CCDC178: variants seen among roughly 807,000 people sequenced by gnomAD.
CCDC178 encodes the protein coiled-coil domain containing 178, also known as coiled-coil domain-containing protein 178.
In CCDC178, 126 loss-of-function variants were observed where a neutral mutation model predicts 117.4. The observed-to-expected ratio is 1.07, with a 90% CI of 0.93 to 1.24. CCDC178 has a LOEUF of 1.24. CCDC178 is among the 50% of genes most tolerant of loss of function. The probability of loss-of-function intolerance (pLI) is 0.00; values close to 1 mark genes in which losing one functional copy is unlikely to be tolerated. For missense variants in CCDC178, 1,030 were observed against 986.9 expected, an observed-to-expected ratio of 1.04 and a Z score of -0.59; for synonymous variants, 283 against 313.4, an observed-to-expected ratio of 0.90 and a Z score of 1.02.
At chr18:33,416,467 A>T (rs1223665887) in intron 2 of CCDC178, among the ~76,000 whole-genome samples, 1 of 151,918 alleles carries the variant, frequency 6.6e-6, no homozygotes, top group Non-Finnish European at 1.5e-5. Context: ...ACAAAGACTG[A>T]ATCAGAAGCC....
chr18:33,369,608 G>GA (rs1357413411), intron 6 of CCDC178, among the ~76,000 whole-genome samples: 1 of 152,064 alleles, frequency 6.6e-6, no homozygotes, highest in African/African-American at 2.4e-5. Flanking sequence ...AGGTTAAAAA[G>GA]ACATAGAATC....
At chr18:33,003,221 CA>C (rs202160782) in intron 21 of CCDC178, among the ~76,000 whole-genome samples, 1 of 151,004 alleles carries the variant, frequency 6.6e-6, no homozygotes. Context: ...AAAGATGCAC[CA>C]AAAAAAAGAA....
At chr18:33,278,226 CAT>C (rs1351174358) in intron 12 of CCDC178, among the ~76,000 whole-genome samples, 7 of 10,054 alleles carry the variant, frequency 7.0e-4, no homozygotes, top group African/African-American at 1.8e-3. Flanking sequence ...TCCTAAAATA[CAT>C]ACATATATAT....
At chr18:33,395,421 G>T (rs1354121634) in intron 4 of CCDC178, among the ~76,000 whole-genome samples, 1 of 151,848 alleles carries the variant, frequency 6.6e-6, no homozygotes, top group Admixed American at 6.6e-5. Flanking sequence ...CGGAGCAAAG[G>T]TTAACCAGAA....
intron 8 of CCDC178, among the ~76,000 whole-genome samples, chr18:33,347,057 T>C (rs1457326514): frequency 1.3e-5 from 2 of 152,144 alleles, no homozygotes; most frequent in Non-Finnish European, 2.9e-5. Context: ...ATGAAATAAA[T>C]GTGTAGAGCC....
chr18:33,312,390 C>G (rs1489439344), intron 11 of CCDC178, among the ~76,000 whole-genome samples: 2 of 152,150 alleles, frequency 1.3e-5, no homozygotes, highest in Admixed American at 1.3e-4. Context: ...AACAAGGGAC[C>G]TGGGGGATCT....
Position 33,328,170 on chromosome 18 carries a change from C to T in CCDC178, c.880-4537G>A, listed in dbSNP as rs543810097. On this transcript the variant is annotated intron_variant, in intron 10 of 22. Coordinates refer to ENST00000383096, the MANE Select transcript of CCDC178 (RefSeq NM_001105528.4). The stretch of plus-strand genomic sequence containing the variant: ...AGGCTGGAGTGCAGTGGCGCGATCT[C>T]GGCTCACTGCAACCCCCGCCCCACC... The T allele has an allele frequency of 4.9e-4, 136 of 278,752 alleles. 1 individual carries two copies. Among genetic ancestry groups the T allele is most frequent in the African/African-American group, 2.8e-3 (112 of 39,330 alleles). 17.3% of individuals were successfully genotyped at this position (278,752 alleles called of 1,614,324 possible).
chr18:32,955,025 GT>G (rs2054565376), intron 22 of CCDC178, among the ~76,000 whole-genome samples: 1 of 152,064 alleles, frequency 6.6e-6, no homozygotes, highest in South Asian at 2.1e-4. Context: ...TCCAAATTGA[GT>G]TCCTGCAAGA....
chr18:33,382,562 G>C (rs1354224811), intron 5 of CCDC178, among the ~76,000 whole-genome samples: 1 of 152,192 alleles, frequency 6.6e-6, no homozygotes. Flanking sequence ...GTGGAGTGTT[G>C]CTTCACCTGG....
chr18:32,957,220 G>C (rs548830671), intron 22 of CCDC178, among the ~76,000 whole-genome samples: 1 of 152,266 alleles, frequency 6.6e-6, no homozygotes, highest in African/African-American at 2.4e-5. Context: ...GAAGAAGCAA[G>C]GAAGGATCTG....
intron 2 of CCDC178, among the ~76,000 whole-genome samples, chr18:33,431,826 A>G (rs751764085): frequency 2.6e-5 from 4 of 152,170 alleles, no homozygotes; most frequent in Non-Finnish European, 5.9e-5. Flanking sequence ...TCATAACAAG[A>G]CTTTGTAGTT....
intron 12 of CCDC178, among the ~76,000 whole-genome samples, chr18:33,280,152 A>T (rs1280063746): frequency 1.3e-5 from 2 of 151,674 alleles, no homozygotes; most frequent in Middle Eastern, 3.2e-3. Flanking sequence ...AACTACCATC[A>T]GAGTGCACAG....
chr18:33,306,458 TTATA>T (rs372306745), intron 11 of CCDC178, among the ~76,000 whole-genome samples: 2 of 113,128 alleles, frequency 1.8e-5, no homozygotes, highest in South Asian at 5.7e-4. Context: ...GTACATATGG[TTATA>T]TATATATATG....
chr18:33,440,682 C>G lies in CCDC178; in HGVS notation c.-172G>C, dbSNP rs2064375710. ...TCCGCGCGTTTCCCCGCGCGTCTCC[C>G]GGACCCGCGCCTGCCCACCCCTCCG... On this transcript the variant is annotated 5_prime_UTR_variant, in exon 1 of 23. Coordinates refer to ENST00000383096, the MANE Select transcript of CCDC178 (RefSeq NM_001105528.4). 1 of 152,824 alleles carries G rather than the reference C, an allele frequency of 6.5e-6. No individual in the cohort carries two copies. The highest frequency in any genetic ancestry group is 1.5e-5 in the Non-Finnish European group (1 of 68,108). 9.5% of individuals were successfully genotyped at this position (152,824 alleles called of 1,614,324 possible).
intron 4 of CCDC178, among the ~76,000 whole-genome samples, chr18:33,391,116 C>A (rs1259821817): frequency 6.8e-6 from 1 of 147,674 alleles, no homozygotes; most frequent in African/African-American, 2.5e-5. Flanking sequence ...CAAAAAGAAC[C>A]AAATATAAAA....
At chr18:33,057,913 A>T (rs2056857994) in intron 21 of CCDC178, among the ~76,000 whole-genome samples, 1 of 152,230 alleles carries the variant, frequency 6.6e-6, no homozygotes. Context: ...GTTTGTCAAT[A>T]GTCATTAGGG....
intron 22 of CCDC178, among the ~76,000 whole-genome samples, chr18:32,970,792 G>A (rs538425563): frequency 3.2e-4 from 48 of 152,096 alleles, no homozygotes; most frequent in African/African-American, 1.1e-3. Context: ...AGGCCTGAAG[G>A]AGCTTAGAAT....
intron 12 of CCDC178, among the ~76,000 whole-genome samples, chr18:33,274,088 T>C (rs1485674324): frequency 1.3e-5 from 2 of 151,760 alleles, no homozygotes; most frequent in Admixed American, 6.6e-5. Flanking sequence ...AAGATTTGAA[T>C]AGACATTTCT....
rs2062764730 is a variant in CCDC178, at chr18:33,338,022, A to C, written c.659-4628T>G. Among the ~76,000 whole-genome samples the C allele has an allele frequency of 1.3e-5, 2 of 152,156 alleles. 1 individual carries two copies. The highest frequency in any genetic ancestry group is 4.1e-4 in the South Asian group (2 of 4,828). ...CGAACTATACGTTGAAAAAAGGACT[A>C]ATCCAAAATCTACAAAGAACTCAAA... On this transcript the variant is annotated intron_variant, in intron 9 of 22. Transcript: ENST00000383096.
Sources: gnomAD v4.1 joint callset for allele counts (sites outside exome capture counted in the v4.1 genomes callset) on GRCh38, gnomAD v4.1.1 for gene constraint, MANE v1.5 for transcripts, NCBI Gene and HGNC (gene_info 2026-07-23, HGNC 2026-07-21) for gene names.